Variants in PRDM16 observed in about 807,000 individuals in gnomAD.
PRDM16 encodes PR/SET domain 16, also known as histone-lysine N-methyltransferase PRDM16.
Under a neutral mutation model 110.6 loss-of-function variants are expected in PRDM16, and 23 were observed. The observed-to-expected ratio is 0.21, with a 90% CI of 0.15 to 0.29. The LOEUF is 0.29. Among genes scored for constraint, PRDM16 ranks in the 10% least tolerant of loss-of-function variants. The probability of loss-of-function intolerance (pLI) is 1.00; values close to 1 mark genes in which losing one functional copy is unlikely to be tolerated. For missense variants in PRDM16, 1,615 were observed against 1,794.3 expected (o/e 0.90, Z 1.81); for synonymous variants, 799 against 781.8 (o/e 1.02, Z -0.37).
intron 1 of PRDM16, among the ~76,000 whole-genome samples, chr1:3,110,953 G>T (rs992884510): frequency 6.6e-6 from 1 of 152,216 alleles, no homozygotes; most frequent in African/African-American, 2.4e-5. Flanking sequence ...GCCAGAGATT[G>T]CCCGGTTCTG....
intron 1 of PRDM16, among the ~76,000 whole-genome samples, chr1:3,093,965 A>G (rs967105647): frequency 6.6e-6 from 1 of 152,192 alleles, no homozygotes; most frequent in Non-Finnish European, 1.5e-5. Flanking sequence ...AGAAGTTGCC[A>G]TGAGTGTGTG....
chr1:3,336,198 G>A (rs181945369), intron 3 of PRDM16, among the ~76,000 whole-genome samples: 132 of 152,348 alleles, frequency 8.7e-4, no homozygotes, highest in African/African-American at 2.6e-3. Flanking sequence ...CATATGTATC[G>A]GTGTGTGTAT....
intron 3 of PRDM16, among the ~76,000 whole-genome samples, chr1:3,249,664 C>T (rs746880106): frequency 5.3e-5 from 8 of 152,262 alleles, no homozygotes; most frequent in South Asian, 2.1e-4. Flanking sequence ...TTAGCTGCCC[C>T]GGAGACAGCC....
chr1:3,087,066 G>A (rs1015870344), intron 1 of PRDM16, among the ~76,000 whole-genome samples: 1 of 152,204 alleles, frequency 6.6e-6, no homozygotes, highest in Non-Finnish European at 1.5e-5. Flanking sequence ...TGGAAACGCT[G>A]CACGTGCTGC....
intron 2 of PRDM16, among the ~76,000 whole-genome samples, chr1:3,215,466 T>TCCCGG (rs1453346869): frequency 1.3e-5 from 2 of 149,152 alleles, no homozygotes; most frequent in South Asian, 2.1e-4. Context: ...GGGTCATGGG[T>TCCCGG]GGAGGCGGGA....
Position 3,184,527 on chromosome 1 carries a change from T to C in PRDM16, c.38-1598T>C, listed in dbSNP as rs1644246193. On this transcript the variant is annotated intron_variant, in intron 1 of 16. Coordinates refer to ENST00000270722, the MANE Select transcript of PRDM16 (RefSeq NM_022114.4). ...TCAGGGTGACGGAGCTCACCCCACC[T>C]CCTGTCCCTTCCCGCTGCTCCCCAC... Among the ~76,000 whole-genome samples, 3 of 152,284 alleles carry C rather than the reference T, an allele frequency of 2.0e-5. No individual in the cohort carries two copies. In the South Asian group the frequency reaches 6.2e-4, roughly 32 times the overall value.
At chr1:3,131,890 A>G (rs573375668) in intron 1 of PRDM16, among the ~76,000 whole-genome samples, 1 of 152,320 alleles carries the variant, frequency 6.6e-6, no homozygotes, top group Admixed American at 6.5e-5. Flanking sequence ...TCCTGGGCCT[A>G]TGTCCTAGAT....
At chr1:3,405,245 C>G (rs1021615865) in intron 7 of PRDM16, among the ~76,000 whole-genome samples, 22 of 152,240 alleles carry the variant, frequency 1.4e-4, no homozygotes, top group Non-Finnish European at 5.9e-5. Context: ...TTCTGCAGCC[C>G]TGTCTCACGC....
At chr1:3,236,272 G>C (rs551142968) in intron 2 of PRDM16, among the ~76,000 whole-genome samples, 4 of 152,238 alleles carry the variant, frequency 2.6e-5, no homozygotes, top group Admixed American at 1.3e-4. Flanking sequence ...AAGGAGGCTT[G>C]GAGAGGCCTG....
chr1:3,240,056 A>AGAGGAGAGGAGAGGAGAGGAGAGGAGAGG (rs1220138751), intron 2 of PRDM16, among the ~76,000 whole-genome samples: 11 of 103,398 alleles, frequency 1.1e-4, no homozygotes, highest in African/African-American at 4.1e-4. Flanking sequence ...AGGAGAGGAG[A>AGAGGAGAGGAGAGGAGAGGAGAGGAGAGG]AGAGGAGAGG....
At chr1:3,126,206 C>T (rs1643202924) in intron 1 of PRDM16, among the ~76,000 whole-genome samples, 1 of 152,320 alleles carries the variant, frequency 6.6e-6, no homozygotes, top group South Asian at 2.1e-4. Context: ...CTCCCCTGGG[C>T]TTGCAGAGGC....
intron 14 of PRDM16, among the ~76,000 whole-genome samples, chr1:3,428,633 C>T (rs891350394): frequency 1.3e-5 from 2 of 152,198 alleles, no homozygotes; most frequent in African/African-American, 2.4e-5. Flanking sequence ...CCTGGGGTGG[C>T]GGGAACGTTC....
At chr1:3,362,636 G>A (rs1487251988) in intron 3 of PRDM16, among the ~76,000 whole-genome samples, 2 of 152,280 alleles carry the variant, frequency 1.3e-5, no homozygotes, top group East Asian at 3.9e-4. Context: ...TTTCTAAAGA[G>A]TAGGAGTCAT....
At chr1:3,414,801 C>T (rs1643753279) in intron 10 of PRDM16, among the ~76,000 whole-genome samples, 154 bp downstream of exon 10, 1 of 152,168 alleles carries the variant, frequency 6.6e-6, no homozygotes, top group South Asian at 2.1e-4. Context: ...GGATTCTCTC[C>T]CTGAGGCCCC....
chr1:3,187,655 C>T (rs561711101), intron 2 of PRDM16, among the ~76,000 whole-genome samples: 13 of 152,290 alleles, frequency 8.5e-5, no homozygotes, highest in Non-Finnish European at 1.0e-4. Context: ...GGCTGCCCCG[C>T]ACGCTGCAGA....
intron 3 of PRDM16, among the ~76,000 whole-genome samples, chr1:3,316,533 G>T (rs1317660241): frequency 6.6e-6 from 1 of 152,240 alleles, no homozygotes; most frequent in African/African-American, 2.4e-5. Context: ...GACAGGACCT[G>T]TGTAGCCAAG....
At chr1:3,280,885 G>A (rs1001105602) in intron 3 of PRDM16, among the ~76,000 whole-genome samples, 14 of 152,220 alleles carry the variant, frequency 9.2e-5, no homozygotes, top group African/African-American at 2.9e-4. Flanking sequence ...AATTTGGTCA[G>A]AAACAATGCG....
chr1:3,103,804 CT>C (rs148834599), intron 1 of PRDM16, among the ~76,000 whole-genome samples: 187 of 152,236 alleles, frequency 1.2e-3, no homozygotes, highest in African/African-American at 4.3e-3. Flanking sequence ...GGGGTTGAGC[CT>C]TTTCAATAAG....
chr1:3,162,932 G>A (rs1209913161), intron 1 of PRDM16, among the ~76,000 whole-genome samples: 4 of 137,582 alleles, frequency 2.9e-5, no homozygotes, highest in East Asian at 4.5e-4. Context: ...TGGGAGAGGG[G>A]ATGTGCGCAG....
Sources: gnomAD v4.1 joint callset for allele counts (sites outside exome capture counted in the v4.1 genomes callset) on GRCh38, gnomAD v4.1.1 for gene constraint, MANE v1.5 for transcripts, NCBI Gene and HGNC (gene_info 2026-07-23, HGNC 2026-07-21) for gene names.